NWD1: variants seen among roughly 807,000 people sequenced by gnomAD.
NWD1 encodes the protein NACHT domain- and WD repeat-containing protein 1.
NWD1 carries 129 observed loss-of-function variants against 135.1 expected under a neutral mutation model. The ratio of observed to expected loss-of-function variants is 0.96; its 90% CI spans 0.83 to 1.11. NWD1 has a LOEUF of 1.11. Ranked by LOEUF, NWD1 falls within the 50% of genes least tolerant of loss-of-function variation. The probability of loss-of-function intolerance (pLI) is 0.00; values close to 1 mark genes in which losing one functional copy is unlikely to be tolerated. For synonymous variants in NWD1, 773 were observed against 786.0 expected, an observed-to-expected ratio of 0.98 and a Z score of 0.28; for missense variants, 1,740 against 1,851.3, an observed-to-expected ratio of 0.94 and a Z score of 1.10.
At chr19:16,781,507 T>C (rs1026443477) in intron 12 of NWD1, among the ~76,000 whole-genome samples, 10 of 151,954 alleles carry the variant, frequency 6.6e-5, no homozygotes, top group Non-Finnish European at 1.3e-4. Flanking sequence ...TCCCAGCTAC[T>C]TGGGAGGCTG....
At chr19:16,769,720 G>A (rs1320217424) in intron 10 of NWD1, among the ~76,000 whole-genome samples, 5 of 152,170 alleles carry the variant, frequency 3.3e-5, no homozygotes, top group South Asian at 2.1e-4. Context: ...AGCTAAATGC[G>A]ATTCCTCAGA....
At chr19:16,797,249 C>A (rs1019628257) in intron 15 of NWD1, among the ~76,000 whole-genome samples, 1 of 151,590 alleles carries the variant, frequency 6.6e-6, no homozygotes, top group Non-Finnish European at 1.5e-5. Flanking sequence ...GGGCTATGTG[C>A]AGATGGGGAC....
Position 16,808,170 on chromosome 19 carries a change from C to T in NWD1, c.4287+34C>T, listed in dbSNP as rs772573623. 21 of 1,590,848 alleles carry T rather than the reference C, an allele frequency of 1.3e-5. No homozygotes were observed. The East Asian group carries it at 4.5e-4, about 34-fold the overall frequency. On this transcript the variant is annotated intron_variant, in intron 18 of 18. Transcript: ENST00000524140. ...CCCGCCTCCCCATGTTCATGCTAGA[C>T]CCAGGCATTGGAAAACTGATAGATA...
At chr19:16,779,228 C>A in intron 11 of NWD1, 115 bp from the exon 12 acceptor site, 1 of 1,223,618 alleles carries the variant, frequency 8.2e-7, no homozygotes, top group Non-Finnish European at 1.2e-6. Flanking sequence ...GGGACCAAAT[C>A]TCTCTGTGCC....
chr19:16,814,917 T>C (rs1455729421), intron 18 of NWD1, 111 bp from the exon 19 acceptor site: 1 of 869,738 alleles, frequency 1.1e-6, no homozygotes, highest in Non-Finnish European at 1.8e-6. Flanking sequence ...ATGCCAAAAT[T>C]AGTAGAGGGC....
chr19:16,808,277 C>T, intron 18 of NWD1, 141 bp downstream of exon 18: 1 of 739,092 alleles, frequency 1.4e-6, no homozygotes, highest in Middle Eastern at 3.9e-4. Flanking sequence ...TGGTCAGGCG[C>T]AGTGGCTCAC....
intron 4 of NWD1, among the ~76,000 whole-genome samples, chr19:16,743,676 G>A (rs571199738): frequency 1.1e-4 from 16 of 142,794 alleles, no homozygotes; most frequent in South Asian, 2.1e-4. Flanking sequence ...TTATTTATTA[G>A]TTTGTTTATT....
Position 16,765,270 on chromosome 19 carries a change from G to A in NWD1, c.2410+78G>A, listed in dbSNP as rs2122905216. On this transcript the variant is annotated intron_variant, in intron 10 of 18. Transcript: ENST00000524140. The stretch of plus-strand genomic sequence containing the variant: ...AAACATGCTCTCCTCATTGAGTCAT[G>A]AGCTGGATTTTCATCAATTCTCATA... The A allele has an allele frequency of 2.9e-6, 4 of 1,378,798 alleles. No homozygotes were observed. In the South Asian group the frequency reaches 5.3e-5, roughly 18 times the overall value. 85.4% of individuals were successfully genotyped at this position (1,378,798 alleles called of 1,614,324 possible). A position where few individuals can be genotyped will look rare whatever the true frequency, so the allele number is the denominator to read the frequency against.
chr19:16,805,402 C>T (rs1046488013), intron 17 of NWD1, among the ~76,000 whole-genome samples: 1 of 152,090 alleles, frequency 6.6e-6, no homozygotes, highest in Non-Finnish European at 1.5e-5. Flanking sequence ...CTATCTTGCC[C>T]AGGGTGGTCT....
In NWD1 at chr19:16,780,346, C is replaced by T. The variant is rs531610843; in HGVS notation, c.2731+881C>T. ...AATTTTTTATATTTTTTAGTAGAGACGGGGTTTCACCGTGTTAGCCAGGAT... is the reference window on the plus strand; with the variant it reads ...AATTTTTTATATTTTTTAGTAGAGATGGGGTTTCACCGTGTTAGCCAGGAT... On this transcript the variant is annotated intron_variant, in intron 12 of 18. Transcript: ENST00000524140. Among the ~76,000 whole-genome samples the T allele has an allele frequency of 4.6e-5, 7 of 152,100 alleles. No individual in the cohort carries two copies. The East Asian group carries it at 9.7e-4, about 21-fold the overall frequency.
chr19:16,728,761 A>G (rs1013301753), intron 2 of NWD1, among the ~76,000 whole-genome samples: 16 of 148,738 alleles, frequency 1.1e-4, no homozygotes, highest in Admixed American at 4.0e-4. Context: ...TGGCTAACAC[A>G]GTGAAACCCT....
chr19:16,812,031 A>G (rs1049768262), intron 18 of NWD1, among the ~76,000 whole-genome samples: 3 of 152,016 alleles, frequency 2.0e-5, no homozygotes, highest in African/African-American at 4.8e-5. Context: ...AAAACAAAAA[A>G]CAGGCATAGT....
intron 10 of NWD1, among the ~76,000 whole-genome samples, chr19:16,766,016 C>CAAAAAA (rs35265751): frequency 1.1e-5 from 1 of 91,764 alleles, no homozygotes; most frequent in Non-Finnish European, 2.6e-5. Context: ...GACTCCGTCT[C>CAAAAAA]AAAAAAAAAA....
chr19:16,760,951 C>T (rs1480447400), intron 7 of NWD1, among the ~76,000 whole-genome samples: 1 of 152,146 alleles, frequency 6.6e-6, no homozygotes, highest in Non-Finnish European at 1.5e-5. Flanking sequence ...CACCCCTCAC[C>T]TCTGTCTAGT....
intron 4 of NWD1, 79 bp from the exon 5 acceptor site, chr19:16,744,342 A>C: frequency 1.6e-6 from 2 of 1,279,126 alleles, no homozygotes; most frequent in Non-Finnish European, 2.2e-6. Context: ...GTACCACCGC[A>C]CTCCAGCCTG....
intron 11 of NWD1, among the ~76,000 whole-genome samples, chr19:16,778,505 TTTTGTTG>T (rs1969740453): frequency 1.5e-5 from 2 of 134,650 alleles, no homozygotes; most frequent in African/African-American, 6.2e-5. Context: ...TTTTTTTTTT[TTTTGTTG>T]TTGTTGTTGT....
rs1374474405 is a variant in NWD1 at position 16,800,110 on chromosome 19, C to A, written c.3684C>A (p.Tyr1228Ter). The part of the protein sequence containing the change: ...TAVSHNGSYV[Y>*]FPKIGDKNKV... ...TGTCCCACAATGGAAGCTACGTCTA[C>A]TTCCCCAAAATTGGGGACAAAAACA... Residue 1228 changes from tyrosine to a stop codon, truncating the protein, a stop_gained, in exon 17 of 19, where the codon TAC becomes TAA. Transcript: ENST00000524140. LOFTEE classifies it high-confidence loss of function. 6.2e-7 allele frequency: 1 copy of A among 1,614,020 alleles called. No homozygotes were observed. The highest frequency in any genetic ancestry group is 1.7e-4 in the Middle Eastern group (1 of 6,060).
rs201105182 is a variant in NWD1, at chr19:16,789,186, C to T, written c.2936C>T (p.Ser979Leu). ...AHKVVYSASG[S>L]KINAWNLETA... ...AAAGTTGTGTATTCAGCATCTGGCT[C>T]AAAGGTAACAAACATATGCCCTGTT... is the stretch of plus-strand genomic sequence containing the variant. The change falls in exon 13 of 19, where the codon TCA becomes TTA. Residue 979 changes from serine to leucine, a missense_variant. Transcript: ENST00000524140. 6.5e-5 allele frequency: 105 copies of T among 1,611,276 alleles called. No homozygotes were observed. Among genetic ancestry groups the T allele is most frequent in the Non-Finnish European group, 8.3e-5 (98 of 1,177,678 alleles).
intron 16 of NWD1, 126 bp downstream of exon 16, chr19:16,798,012 C>A: frequency 2.4e-6 from 2 of 827,938 alleles, no homozygotes; most frequent in Admixed American, 2.2e-5. Context: ...TAGGTGAGTT[C>A]ATTGGGAGGA....
Sources: gnomAD v4.1 joint callset for allele counts (sites outside exome capture counted in the v4.1 genomes callset) on GRCh38, gnomAD v4.1.1 for gene constraint, MANE v1.5 for transcripts, NCBI Gene and HGNC (gene_info 2026-07-23, HGNC 2026-07-21) for gene names.